Variants in PPA2 observed in about 807,000 individuals in gnomAD.
PPA2 encodes inorganic pyrophosphatase 2.
PPA2 carries 48 observed loss-of-function variants against 49.5 expected under a neutral mutation model. The ratio of observed to expected loss-of-function variants is 0.97; its 90% CI spans 0.77 to 1.23. The LOEUF (loss-of-function observed/expected upper bound fraction) is 1.23, where lower values mean the gene tolerates loss of function less well. PPA2 is among the 50% of genes most tolerant of loss of function. The probability of loss-of-function intolerance (pLI) is 0.00; values close to 1 mark genes in which losing one functional copy is unlikely to be tolerated. For missense variants in PPA2, 429 were observed against 410.1 expected (o/e 1.05, Z -0.40); for synonymous variants, 131 against 139.9 (o/e 0.94, Z 0.45).
In PPA2 at chr4:105,405,345, T is replaced by C. The variant is rs9968337; in HGVS notation, c.656-6181A>G. On this transcript the variant is annotated intron_variant, in intron 7 of 11. Transcript: ENST00000341695. ...CTATACACATATAGTTTTTCACTTA[T>C]AGTAAAGACCCTAAATGAATTTGTA... 9.3e-3 allele frequency: 7,087 copies of C among 760,588 alleles called. 420 individuals are homozygous for C. The African/African-American group carries it at 0.12, about 13-fold the overall frequency. 47.1% of individuals were successfully genotyped at this position (760,588 alleles called of 1,614,324 possible). A position where few individuals can be genotyped will look rare whatever the true frequency, so the allele number is the denominator to read the frequency against.
At chr4:105,389,197 G>C (rs1453534708) in intron 9 of PPA2, among the ~76,000 whole-genome samples, 1 of 151,666 alleles carries the variant, frequency 6.6e-6, no homozygotes, top group Admixed American at 6.6e-5. Flanking sequence ...TTCTGAACTG[G>C]CCTTCATGTA....
chr4:105,458,913 GC>G (rs1560641738), intron 1 of PPA2, among the ~76,000 whole-genome samples: 4 of 148,158 alleles, frequency 2.7e-5, no homozygotes, highest in Admixed American at 1.4e-4. Flanking sequence ...CATGCTTTGT[GC>G]TTTACCTTAG....
chr4:105,417,557 C>CAAA (rs201997808), intron 7 of PPA2, among the ~76,000 whole-genome samples: 1 of 79,882 alleles, frequency 1.3e-5, no homozygotes, highest in African/African-American at 3.8e-5. Flanking sequence ...ATGACTGAAA[C>CAAA]CAAAAAAAAA....
chr4:105,398,077 AAAAC>A (rs1734216215), intron 8 of PPA2, among the ~76,000 whole-genome samples: 2 of 124,906 alleles, frequency 1.6e-5, no homozygotes, highest in African/African-American at 4.9e-5. Flanking sequence ...CTATTTGTTA[AAAAC>A]AAACAAAAAA....
Position 105,456,718 on chromosome 4 carries a change from G to C in PPA2, c.185C>G (p.Pro62Arg), listed in dbSNP as rs774246908. ...FKNVTGHYIS[P>R]FHDIPLKVNS... ...CACCTTCAGAGGAATATCATGAAAGGGGGAAATGTAGTGACCAGTTACATT... is the reference window on the plus strand; with the variant it reads ...CACCTTCAGAGGAATATCATGAAAGCGGGAAATGTAGTGACCAGTTACATT... Residue 62 changes from proline (P) to arginine (R), a missense_variant, in exon 2 of 12, where the codon CCC (proline) becomes CGC (arginine). Coordinates refer to ENST00000341695, the MANE Select transcript of PPA2 (RefSeq NM_176869.3). 2.5e-6 allele frequency: 4 copies of C among 1,607,340 alleles called. No individual in the cohort carries two copies. The South Asian group carries it at 4.4e-5, about 18-fold the overall frequency.
intron 6 of PPA2, among the ~76,000 whole-genome samples, chr4:105,427,872 A>G (rs1437106203): frequency 6.6e-6 from 1 of 152,194 alleles, no homozygotes; most frequent in East Asian, 1.9e-4. Flanking sequence ...CTCCTCGAGA[A>G]GAGCAACCCC....
intron 7 of PPA2, chr4:105,405,841 A>G (rs1240311912): frequency 1.7e-5 from 8 of 460,476 alleles, no homozygotes; most frequent in Non-Finnish European, 3.0e-5. Context: ...AGGGGCACAC[A>G]GGAATCCTGA....
At chr4:105,370,313 T>C (rs905734982) in intron 11 of PPA2, among the ~76,000 whole-genome samples, 3 of 152,194 alleles carry the variant, frequency 2.0e-5, no homozygotes, top group African/African-American at 7.2e-5. Flanking sequence ...AAAGCCAAAA[T>C]CTTGCAATAT....
intron 1 of PPA2, among the ~76,000 whole-genome samples, chr4:105,472,493 C>G (rs756125920): frequency 2.0e-5 from 3 of 152,102 alleles, no homozygotes; most frequent in South Asian, 4.1e-4. Context: ...GTAGACAGGC[C>G]TTTTTTCAAT....
chr4:105,473,667 C>T (rs1723630897), intron 1 of PPA2: 2 of 791,546 alleles, frequency 2.5e-6, no homozygotes, highest in East Asian at 2.5e-5. Flanking sequence ...AGCCCTGCGC[C>T]TCTGCTCTCC....
chr4:105,473,388 A>T, intron 1 of PPA2: 1 of 357,332 alleles, frequency 2.8e-6, no homozygotes, highest in South Asian at 2.2e-5. Context: ...CCTCCAAAAA[A>T]AGAAGACGCG....
At chr4:105,462,592 T>C (rs988005915) in intron 1 of PPA2, among the ~76,000 whole-genome samples, 14 of 152,330 alleles carry the variant, frequency 9.2e-5, no homozygotes, top group South Asian at 2.1e-4. Context: ...TGAGAGATAG[T>C]TTAGTTCAAT....
intron 1 of PPA2, among the ~76,000 whole-genome samples, chr4:105,457,784 G>A (rs567393943): frequency 4.6e-5 from 7 of 152,166 alleles, no homozygotes; most frequent in South Asian, 2.1e-4. Flanking sequence ...GGCTTGTCTC[G>A]AACTCCTGAG....
intron 7 of PPA2, among the ~76,000 whole-genome samples, chr4:105,417,477 T>C (rs1723064763): frequency 6.6e-6 from 1 of 151,126 alleles, no homozygotes. Flanking sequence ...TTTTCCGAGG[T>C]CAGATAATTA....
chr4:105,399,958 A>G (rs916392174), intron 7 of PPA2, among the ~76,000 whole-genome samples: 43 of 152,290 alleles, frequency 2.8e-4, no homozygotes, highest in Admixed American at 1.9e-3. Context: ...GACATGAATC[A>G]TCCCTTTGCC....
intron 1 of PPA2, among the ~76,000 whole-genome samples, chr4:105,466,300 A>G (rs967744602): frequency 1.3e-5 from 2 of 151,864 alleles, no homozygotes; most frequent in African/African-American, 4.8e-5. Context: ...ATATTTCTTG[A>G]ATATATGCAC....
intron 6 of PPA2, among the ~76,000 whole-genome samples, chr4:105,437,237 A>G (rs150090644): frequency 8.5e-5 from 12 of 141,386 alleles, no homozygotes; most frequent in African/African-American, 3.1e-4. Flanking sequence ...AACCACATTG[A>G]AAGTTTTTAT....
chr4:105,382,005 T>G (rs1241041823), intron 10 of PPA2, among the ~76,000 whole-genome samples: 1 of 151,858 alleles, frequency 6.6e-6, no homozygotes, highest in East Asian at 1.9e-4. Flanking sequence ...TTCTATAATT[T>G]TCTTTAATTT....
intron 1 of PPA2, among the ~76,000 whole-genome samples, chr4:105,461,338 G>C (rs72952299): frequency 0.083 from 12,640 of 152,226 alleles, 1,026 homozygotes; most frequent in African/African-American, 0.21. Context: ...ATGTCGAAAG[G>C]TGAAGTGGAA....
Sources: gnomAD v4.1 joint callset for allele counts (sites outside exome capture counted in the v4.1 genomes callset) on GRCh38, gnomAD v4.1.1 for gene constraint, MANE v1.5 for transcripts, NCBI Gene and HGNC (gene_info 2026-07-23, HGNC 2026-07-21) for gene names.